RGS8: variants seen among roughly 807,000 people sequenced by gnomAD.
RGS8 encodes the protein regulator of G-protein signaling 8.
RGS8 carries 8 observed loss-of-function variants against 21.7 expected under a neutral mutation model. That is an observed-to-expected ratio of 0.37 (90% CI 0.22 to 0.66). The LOEUF is 0.66. Among genes scored for constraint, RGS8 ranks in the 30% least tolerant of loss-of-function variants. The pLI, the probability that RGS8 is intolerant of heterozygous loss-of-function variation, is 0.59. For synonymous variants in RGS8, 80 were observed against 83.6 expected (o/e 0.96, Z 0.24); for missense variants, 157 against 217.9 (o/e 0.72, Z 1.76).
chr1:182,655,594 G>C (rs576543880), intron 5 of RGS8, among the ~76,000 whole-genome samples: 11 of 152,296 alleles, frequency 7.2e-5, no homozygotes, highest in African/African-American at 2.4e-4. Flanking sequence ...GGGAGCACCA[G>C]TTCTGACCAA....
chr1:182,653,340 A>G (rs992462825), intron 5 of RGS8, among the ~76,000 whole-genome samples: 1 of 152,110 alleles, frequency 6.6e-6, no homozygotes, highest in Non-Finnish European at 1.5e-5. Context: ...GTAGAGAAAT[A>G]AGACAGCATA....
the RGS8 span, among the ~76,000 whole-genome samples, chr1:182,743,439 C>T: frequency 1.3e-5 from 2 of 152,028 alleles, no homozygotes; most frequent in African/African-American, 4.8e-5. Context: ...GAGCATCAAA[C>T]AAGATAGAGG....
downstream of RGS8, chr1:182,643,983 G>A (rs974785670): frequency 2.0e-5 from 3 of 152,278 alleles, no homozygotes; most frequent in African/African-American, 7.2e-5. Flanking sequence ...AGTCCAGAAG[G>A]CAAGTCCACA....
upstream of RGS8, among the ~76,000 whole-genome samples, chr1:182,687,266 C>T (rs1336199971): frequency 6.6e-6 from 1 of 152,140 alleles, no homozygotes; most frequent in African/African-American, 2.4e-5. Flanking sequence ...GACTTAAACT[C>T]CTGGCCCCTC....
the RGS8 span, among the ~76,000 whole-genome samples, chr1:182,741,391 G>A: frequency 2.2e-5 from 3 of 135,956 alleles, no homozygotes; most frequent in African/African-American, 8.3e-5. Context: ...CGGACGGGGC[G>A]GCTGGCCGGG....
the RGS8 span, among the ~76,000 whole-genome samples, chr1:182,717,275 C>G: frequency 3.3e-5 from 5 of 152,210 alleles, no homozygotes; most frequent in African/African-American, 4.8e-5. Context: ...TCATCTTCAA[C>G]CTCAACAGAA....
At chr1:182,705,935 G>C in the RGS8 span, among the ~76,000 whole-genome samples, 1 of 152,110 alleles carries the variant, frequency 6.6e-6, no homozygotes, top group Non-Finnish European at 1.5e-5. Context: ...GTCAGATTCT[G>C]TCCCCCACTA....
At chr1:182,741,857 G>A in the RGS8 span, among the ~76,000 whole-genome samples, 320 of 130,498 alleles carry the variant, frequency 2.5e-3, no homozygotes, top group African/African-American at 8.8e-3. Flanking sequence ...CCTCCCGGAC[G>A]GGGCGGCTGG....
chr1:182,677,139 C>T (rs890484025), upstream of RGS8, among the ~76,000 whole-genome samples: 2 of 152,194 alleles, frequency 1.3e-5, no homozygotes, highest in African/African-American at 4.8e-5. Flanking sequence ...GATTTGACAG[C>T]CCTGAGCTTC....
At chr1:182,691,708 C>T in the RGS8 span, among the ~76,000 whole-genome samples, 9 of 150,428 alleles carry the variant, frequency 6.0e-5, no homozygotes, top group South Asian at 2.1e-4. Context: ...CCACAGCCTA[C>T]GTCATACTGG....
chr1:182,707,345 C>T, the RGS8 span, among the ~76,000 whole-genome samples: 1 of 152,200 alleles, frequency 6.6e-6, no homozygotes, highest in African/African-American at 2.4e-5. Context: ...CCACTAAGAA[C>T]ACTGCAGCCA....
chr1:182,732,267 TCTCATACA>T, the RGS8 span, among the ~76,000 whole-genome samples: 90 of 133,066 alleles, frequency 6.8e-4, no homozygotes, highest in South Asian at 9.8e-4. Flanking sequence ...TCGCTCTCTC[TCTCATACA>T]CACACACACA....
upstream of RGS8, among the ~76,000 whole-genome samples, chr1:182,685,989 G>A (rs1400741675): frequency 6.6e-6 from 1 of 152,144 alleles, no homozygotes; most frequent in Non-Finnish European, 1.5e-5. Flanking sequence ...GGGGGAGCAC[G>A]GAGGAAGGGG....
At chr1:182,687,669 C>T (rs973537104), upstream of RGS8, among the ~76,000 whole-genome samples, 11 of 152,140 alleles carry the variant, frequency 7.2e-5, no homozygotes, top group African/African-American at 2.7e-4. Context: ...ATTTTGCTTT[C>T]AAGAACAGGG....
the RGS8 span, among the ~76,000 whole-genome samples, chr1:182,725,289 A>G: frequency 6.6e-6 from 1 of 152,190 alleles, no homozygotes; most frequent in Non-Finnish European, 1.5e-5. Context: ...TAATTTTAAT[A>G]TTATAGAAGT....
intron 5 of RGS8, among the ~76,000 whole-genome samples, chr1:182,650,070 C>T (rs1662931081): frequency 6.7e-6 from 1 of 150,246 alleles, no homozygotes; most frequent in Admixed American, 6.6e-5. Flanking sequence ...CGCCACTACG[C>T]CTCGCTAATT....
chr1:182,715,895 A>T, the RGS8 span, among the ~76,000 whole-genome samples: 8 of 152,296 alleles, frequency 5.3e-5, no homozygotes, highest in African/African-American at 1.9e-4. Flanking sequence ...TGCTCTAAAA[A>T]CACAATATAG....
At chr1:182,722,217 G>GTT in the RGS8 span, among the ~76,000 whole-genome samples, 130 of 144,526 alleles carry the variant, frequency 9.0e-4, no homozygotes, top group South Asian at 2.7e-3. Context: ...AGAAACAAGT[G>GTT]TTTTTTTTTT....
intron 1 of RGS8, among the ~76,000 whole-genome samples, chr1:182,682,593 A>C (rs1392120936): frequency 6.6e-6 from 1 of 152,132 alleles, no homozygotes; most frequent in African/African-American, 2.4e-5. Context: ...GATCCTCACA[A>C]GCTCCTTTGA....
Sources: gnomAD v4.1 joint callset for allele counts (sites outside exome capture counted in the v4.1 genomes callset) on GRCh38, gnomAD v4.1.1 for gene constraint, MANE v1.5 for transcripts, NCBI Gene and HGNC (gene_info 2026-07-23, HGNC 2026-07-21) for gene names.